The following KIF26B variants were observed in gnomAD, a reference collection of about 807,000 sequenced individuals.
KIF26B encodes the protein kinesin family member 26B.
Under a neutral mutation model 151.2 loss-of-function variants are expected in KIF26B, and 63 were observed. The ratio of observed to expected loss-of-function variants is 0.42; its 90% CI spans 0.34 to 0.51. The LOEUF (loss-of-function observed/expected upper bound fraction) is 0.51. KIF26B is among the 20% of genes least tolerant of loss of function. The pLI is 0.07. For synonymous variants in KIF26B, 1,357 were observed against 1,262.1 expected (o/e 1.08, Z -1.59); for missense variants, 2,813 against 2,913.6 (o/e 0.97, Z 0.79).
intron 4 of KIF26B, among the ~76,000 whole-genome samples, chr1:245,421,569 A>G (rs1658487681): frequency 1.3e-5 from 2 of 152,132 alleles, no homozygotes; most frequent in Non-Finnish European, 2.9e-5. Context: ...CAATGCTCAG[A>G]TGGGAATTGA....
intron 2 of KIF26B, among the ~76,000 whole-genome samples, chr1:245,271,397 G>A (rs1370916754): frequency 6.6e-6 from 1 of 152,216 alleles, no homozygotes; most frequent in Admixed American, 6.5e-5. Flanking sequence ...TACATAGGAT[G>A]TTGAATTTTC....
At position 245,688,528 on chromosome 1, in the gene KIF26B, T is replaced by A. The variant is rs939720302; in HGVS notation, c.5545T>A (p.Ser1849Thr). The A allele has an allele frequency of 6.5e-7, 1 of 1,528,864 alleles. No individual in the cohort carries two copies. The highest frequency in any genetic ancestry group is 1.4e-5 in the African/African-American group (1 of 70,806). 94.7% of individuals were successfully genotyped at this position (1,528,864 alleles called of 1,614,324 possible). Residue 1849 changes from serine to threonine, a missense_variant, in exon 12 of 15, where the codon TCG becomes ACG. Transcript: ENST00000407071. The stretch of plus-strand genomic sequence containing the variant: ...GCCCGCGGCCGCGCACCTGCTCCCG[T>A]CGCCCTACAGCAAGATCACGCCCCC... Reference protein sequence around the residue: ...DEPAAAHLLPSPYSKITPPRR... With the variant: ...DEPAAAHLLPTPYSKITPPRR...
In KIF26B at chr1:245,667,264, C is replaced by G. The variant is rs2044228077; in HGVS notation, c.2259-16969C>G. On this transcript the variant is annotated intron_variant, in intron 10 of 14. Transcript: ENST00000407071. The surrounding 1 kb of genome is among the most constrained non-coding windows in gnomAD (Gnocchi z 4.3). Reference sequence around the variant, plus strand: ...GATCTCGGCTCACTGCAGCCTTAAGCTCCTGGGCTCAAGCTATCCTCCTGA... The same window carrying G: ...GATCTCGGCTCACTGCAGCCTTAAGGTCCTGGGCTCAAGCTATCCTCCTGA... Among the ~76,000 whole-genome samples, 1 of 152,140 alleles carries G rather than the reference C, an allele frequency of 6.6e-6. No individual in the cohort carries two copies. Among genetic ancestry groups the G allele is most frequent in the Non-Finnish European group, 1.5e-5 (1 of 68,024 alleles).
chr1:245,699,617 TTGTC>T (rs760013777), intron 14 of KIF26B, among the ~76,000 whole-genome samples: 1 of 21,958 alleles, frequency 4.6e-5, no homozygotes, highest in Non-Finnish European at 1.9e-4. Context: ...TTCAATTGTC[TTGTC>T]TTATTAGTTC....
chr1:245,233,832 A>G (rs753515830), intron 2 of KIF26B, among the ~76,000 whole-genome samples: 11 of 151,952 alleles, frequency 7.2e-5, no homozygotes, highest in Non-Finnish European at 1.5e-4. Flanking sequence ...TCATAAATAC[A>G]TGTTATTTGT....
Position 245,417,541 on chromosome 1 carries a change from A to ATTTATAGGC in KIF26B, c.1000-2035_1000-2027dup, listed in dbSNP as rs149940271. 2.3e-3 allele frequency among the ~76,000 whole-genome samples: 343 copies of ATTTATAGGC among 152,334 alleles called. 1 individual carries two copies. Among genetic ancestry groups the ATTTATAGGC allele is most frequent in the African/African-American group, 7.7e-3 (318 of 41,564 alleles). On this transcript the variant is annotated intron_variant, in intron 3 of 14. Coordinates refer to ENST00000407071, the MANE Select transcript of KIF26B (RefSeq NM_018012.4). ...AAACAATTGATGATTGAATAGTTCT[A>ATTTATAGGC]TTTATAGGCTTGGGAATTTGGTGTC...
chr1:245,390,140 T>A (rs1042687924), intron 3 of KIF26B, among the ~76,000 whole-genome samples: 3 of 151,826 alleles, frequency 2.0e-5, no homozygotes, highest in Non-Finnish European at 2.9e-5. Flanking sequence ...CTGGTCATGC[T>A]ATTACTCATT....
chr1:245,611,694 G>A (rs906204068), intron 8 of KIF26B, 99 bp from the exon 9 acceptor site: 7 of 1,313,034 alleles, frequency 5.3e-6, no homozygotes, highest in Non-Finnish European at 6.3e-6. Flanking sequence ...TTACTATACA[G>A]AACACACAGC....
In KIF26B at chr1:245,702,395, C is replaced by A; in HGVS notation, c.6179-63C>A. The A allele has an allele frequency of 1.3e-6, 2 of 1,582,688 alleles. No homozygotes were observed. The highest frequency in any genetic ancestry group is 1.7e-6 in the Non-Finnish European group (2 of 1,156,170). On this transcript the variant is annotated intron_variant, in intron 14 of 14. Transcript: ENST00000407071. This position sits in a 1 kb window ranked among gnomAD's most constrained non-coding sequence, Gnocchi z 4.1. ...TGGGGGTGGCAGCTCCAGGCTGAGC[C>A]GTCGGGAGTTGCTTCTCACCCTGTT...
At chr1:245,259,888 T>C (rs1299098523) in intron 2 of KIF26B, among the ~76,000 whole-genome samples, 1 of 142,942 alleles carries the variant, frequency 7.0e-6, no homozygotes, top group Non-Finnish European at 1.5e-5. Context: ...TGAGACAAGA[T>C]TGCACTGCTG....
intron 5 of KIF26B, among the ~76,000 whole-genome samples, chr1:245,554,063 T>C (rs1207751868): frequency 6.6e-6 from 1 of 152,174 alleles, no homozygotes; most frequent in Non-Finnish European, 1.5e-5. Flanking sequence ...CAGGTCTGGC[T>C]AAGTGCCTTC....
At chr1:245,418,445 G>A (rs1658369164) in intron 3 of KIF26B, among the ~76,000 whole-genome samples, 1 of 152,186 alleles carries the variant, frequency 6.6e-6, no homozygotes, top group African/African-American at 2.4e-5. Flanking sequence ...CCAGTCAATG[G>A]GATTCAGAGT....
At chr1:245,163,916 T>C (rs1668572371) in intron 2 of KIF26B, among the ~76,000 whole-genome samples, 1 of 152,304 alleles carries the variant, frequency 6.6e-6, no homozygotes, top group Non-Finnish European at 1.5e-5. Flanking sequence ...TTCAAAAAAT[T>C]TTGTCTTCTT....
At chr1:245,216,418 C>T (rs1260228428) in intron 2 of KIF26B, 3 of 150,740 alleles carry the variant, frequency 2.0e-5, no homozygotes, top group Non-Finnish European at 3.0e-5. Context: ...CAAGAAGTCC[C>T]GAAGAACAAA....
At chr1:245,461,405 C>G (rs1306709109) in intron 4 of KIF26B, among the ~76,000 whole-genome samples, 1 of 152,002 alleles carries the variant, frequency 6.6e-6, no homozygotes, top group Non-Finnish European at 1.5e-5. Flanking sequence ...CCTCAGCCTC[C>G]CAGGTAGCTA....
At chr1:245,543,846 G>A (rs2103104761) in intron 5 of KIF26B, among the ~76,000 whole-genome samples, 1 of 152,322 alleles carries the variant, frequency 6.6e-6, no homozygotes, top group Admixed American at 6.5e-5. Flanking sequence ...TACTCAGGAG[G>A]CTGAGGCAGG....
At chr1:245,231,785 C>G (rs1030480443) in intron 2 of KIF26B, among the ~76,000 whole-genome samples, 2 of 152,250 alleles carry the variant, frequency 1.3e-5, no homozygotes, top group Non-Finnish European at 2.9e-5. Context: ...TTGGCATCAG[C>G]CTTATCAACA....
Position 245,219,127 on chromosome 1 carries a change from C to CTTTTTTTTT in KIF26B, c.465+62465_465+62473dup, listed in dbSNP as rs1166578525. ...CACAGGAGGTAGCAAATACCTACCT[C>CTTTTTTTTT]TTTTTTTTTTTTTTTTTTTTTTTTT... On this transcript the variant is annotated intron_variant, in intron 2 of 14. Coordinates refer to ENST00000407071, the MANE Select transcript of KIF26B (RefSeq NM_018012.4). 6.9e-4 allele frequency among the ~76,000 whole-genome samples: 39 copies of CTTTTTTTTT among 56,186 alleles called. 5 individuals are homozygous for CTTTTTTTTT. Among genetic ancestry groups the CTTTTTTTTT allele is most frequent in the African/African-American group, 2.5e-3 (38 of 15,298 alleles). The allele number at this position is 56,186 out of a possible 152,430, so 36.9% of individuals were successfully genotyped here.
chr1:245,327,835 G>A (rs1019790987), intron 2 of KIF26B, among the ~76,000 whole-genome samples: 1 of 152,188 alleles, frequency 6.6e-6, no homozygotes, highest in Non-Finnish European at 1.5e-5. Context: ...GGAAAAGAGA[G>A]CGTTTATGTT....
Sources: gnomAD v4.1 joint callset for allele counts (sites outside exome capture counted in the v4.1 genomes callset) on GRCh38, gnomAD v4.1.1 for gene constraint, Gnocchi (gnomAD v3.1) non-coding constraint, MANE v1.5 for transcripts, NCBI Gene and HGNC (gene_info 2026-07-23, HGNC 2026-07-21) for gene names.